Variants in FARP1 observed in about 807,000 individuals in gnomAD.
The protein encoded by FARP1 is FERM, ARH/RhoGEF and pleckstrin domain protein 1.
In FARP1, 52 loss-of-function variants were observed where a neutral mutation model predicts 128.8. That is an observed-to-expected ratio of 0.40 (90% CI 0.32 to 0.51). The LOEUF is 0.51. Among genes scored for constraint, FARP1 ranks in the 20% least tolerant of loss-of-function variants. The pLI is 0.45. For missense variants in FARP1, 1,333 were observed against 1,367.9 expected, an observed-to-expected ratio of 0.97 and a Z score of 0.40; for synonymous variants, 580 against 551.8, an observed-to-expected ratio of 1.05 and a Z score of -0.72.
At chr13:98,429,253 G>A (rs1251092308) in intron 17 of FARP1, among the ~76,000 whole-genome samples, 1 of 152,200 alleles carries the variant, frequency 6.6e-6, no homozygotes, top group Non-Finnish European at 1.5e-5. Context: ...AGGGATGGGG[G>A]GTCCTCAGCA....
rs750717737 is a variant in FARP1 at position 98,395,359 on chromosome 13, A to G, written c.1297A>G (p.Ser433Gly). 9.1e-5 allele frequency: 146 copies of G among 1,611,688 alleles called. No individual in the cohort carries two copies. The highest frequency in any genetic ancestry group is 1.2e-4 in the Non-Finnish European group (143 of 1,179,070). Residue 433 changes from serine (S) to glycine (G), a missense_variant, in exon 13 of 27, where the codon AGC becomes GGC. By Grantham distance (56) the Ser-to-Gly change is moderately conservative. Transcript: ENST00000319562. Reference sequence around the variant, plus strand: ...GCACCCGAGCCCTGCGCCGAGGAGAAGCCCCGCGGGTAACAAGCAGGCGGA... The same window carrying G: ...GCACCCGAGCCCTGCGCCGAGGAGAGGCCCCGCGGGTAACAAGCAGGCGGA... ...GSHPSPAPRR[S>G]PAGNKQADGA...
chr13:98,249,232 C>T (rs1450663106), intron 2 of FARP1, among the ~76,000 whole-genome samples: 9 of 152,144 alleles, frequency 5.9e-5, no homozygotes, highest in East Asian at 1.9e-4. Context: ...CTCATTTAGA[C>T]GAATAGGAAT....
chr13:98,192,349 T>C (rs796543973), intron 1 of FARP1, among the ~76,000 whole-genome samples: 54 of 152,288 alleles, frequency 3.5e-4, no homozygotes, highest in African/African-American at 1.3e-3. Flanking sequence ...TCTGTGTGTG[T>C]TGAATCACAT....
intron 2 of FARP1, among the ~76,000 whole-genome samples, chr13:98,271,689 G>T (rs556188304): frequency 6.6e-6 from 1 of 152,244 alleles, no homozygotes; most frequent in Admixed American, 6.5e-5. Context: ...GTGTTAGTTT[G>T]CTGAGAATGA....
chr13:98,254,897 C>T (rs1028023505), intron 2 of FARP1, among the ~76,000 whole-genome samples: 1 of 149,304 alleles, frequency 6.7e-6, no homozygotes, highest in African/African-American at 2.5e-5. Context: ...GTAGCTGGGG[C>T]AAAGAAAAAG....
intron 1 of FARP1, among the ~76,000 whole-genome samples, chr13:98,153,898 A>G (rs972211036): frequency 5.3e-4 from 80 of 151,888 alleles, no homozygotes; most frequent in African/African-American, 1.8e-3. Flanking sequence ...TGTGTAACCA[A>G]CTCCACAGTC....
intron 13 of FARP1, chr13:98,405,242 G>A (rs981573503): frequency 6.6e-6 from 1 of 152,212 alleles, no homozygotes; most frequent in African/African-American, 2.4e-5. Context: ...AGCTTCCCCA[G>A]ACCGGCCAAG....
intron 8 of FARP1, among the ~76,000 whole-genome samples, chr13:98,387,967 T>C (rs1299752761): frequency 6.6e-6 from 1 of 152,196 alleles, no homozygotes; most frequent in Non-Finnish European, 1.5e-5. Context: ...GTGTATAAAA[T>C]GAAAATAGTA....
intron 10 of FARP1, 29 bp downstream of exon 10, chr13:98,390,149 G>A: frequency 6.2e-7 from 1 of 1,606,088 alleles, no homozygotes; most frequent in Non-Finnish European, 8.5e-7. Context: ...GCCTCTGTTT[G>A]CTGGGTGCAC....
chr13:98,379,643 C>T (rs542367959), intron 6 of FARP1, among the ~76,000 whole-genome samples: 8 of 152,282 alleles, frequency 5.3e-5, no homozygotes, highest in Admixed American at 5.2e-4. Context: ...ATGCTCACGT[C>T]CCTGATATAA....
intron 3 of FARP1, among the ~76,000 whole-genome samples, chr13:98,357,111 T>G (rs1174593571): frequency 6.6e-6 from 1 of 152,248 alleles, no homozygotes. Context: ...GTAGGCAGCA[T>G]ATACTTGCTT....
rs550630507 is a variant in FARP1 at position 98,411,404 on chromosome 13, C to T, written c.1693-497C>T. On this transcript the variant is annotated intron_variant, in intron 15 of 26. Transcript: ENST00000319562. Reference sequence around the variant, plus strand: ...GCTGTGGATTGTGTTAGGCCCTTGACAGGTGCTCGCTAAGCGTTGTGAACC... The same window carrying T: ...GCTGTGGATTGTGTTAGGCCCTTGATAGGTGCTCGCTAAGCGTTGTGAACC... 6.6e-5 allele frequency among the ~76,000 whole-genome samples: 10 copies of T among 152,284 alleles called. No individual in the cohort carries two copies. In the South Asian group the frequency reaches 2.1e-3, roughly 32 times the overall value.
intron 2 of FARP1, among the ~76,000 whole-genome samples, chr13:98,320,972 G>A (rs1886968149): frequency 6.6e-6 from 1 of 152,158 alleles, no homozygotes; most frequent in South Asian, 2.1e-4. Context: ...AGGTGCAGGT[G>A]ACCCTCGCAG....
At chr13:98,162,886 G>A (rs1354661769) in intron 1 of FARP1, among the ~76,000 whole-genome samples, 3 of 152,170 alleles carry the variant, frequency 2.0e-5, no homozygotes, top group Non-Finnish European at 4.4e-5. Flanking sequence ...GTGTAAATTA[G>A]TTCAACCGTT....
chr13:98,332,629 T>C (rs1887558991), intron 2 of FARP1: 1 of 152,250 alleles, frequency 6.6e-6, no homozygotes. Flanking sequence ...TTTAAAAGCC[T>C]TTTGCATAAA....
At chr13:98,373,338 T>C (rs553721766) in intron 5 of FARP1, among the ~76,000 whole-genome samples, 1 of 152,288 alleles carries the variant, frequency 6.6e-6, no homozygotes, top group African/African-American at 2.4e-5. Flanking sequence ...ATATTCAGAA[T>C]GTCATTTTAA....
At chr13:98,234,153 TCTGGCC>T (rs1189951672) in intron 2 of FARP1, 1 of 152,234 alleles carries the variant, frequency 6.6e-6, no homozygotes, top group African/African-American at 2.4e-5. Context: ...CTTCAAGGAC[TCTGGCC>T]CTGGCTTGCT....
chr13:98,273,785 T>G (rs2139591889), intron 2 of FARP1, among the ~76,000 whole-genome samples: 1 of 152,324 alleles, frequency 6.6e-6, no homozygotes, highest in South Asian at 2.1e-4. Flanking sequence ...CTAAGCTCTG[T>G]GAGGGCCTCC....
chr13:98,446,450 A>T (rs966124253), intron 25 of FARP1: 40 of 607,700 alleles, frequency 6.6e-5, no homozygotes, highest in African/African-American at 2.0e-4. Context: ...TGGACAAGGG[A>T]CGGGGGTTGG....
Sources: gnomAD v4.1 joint callset for allele counts (sites outside exome capture counted in the v4.1 genomes callset) on GRCh38, gnomAD v4.1.1 for gene constraint, MANE v1.5 for transcripts, NCBI Gene and HGNC (gene_info 2026-07-23, HGNC 2026-07-21) for gene names.